CACNB2: variants seen among roughly 807,000 people sequenced by gnomAD.
The protein encoded by CACNB2 is calcium voltage-gated channel auxiliary subunit beta 2.
CACNB2 carries 42 observed loss-of-function variants against 73.3 expected under a neutral mutation model. That is an observed-to-expected ratio of 0.57 (90% CI 0.45 to 0.74). CACNB2 has a LOEUF of 0.74. Among genes scored for constraint, CACNB2 ranks in the 30% least tolerant of loss-of-function variants. The pLI is 0.00. For synonymous variants in CACNB2, 348 were observed against 310.3 expected, an observed-to-expected ratio of 1.12 and a Z score of -1.28; for missense variants, 940 against 853.0, an observed-to-expected ratio of 1.10 and a Z score of -1.27.
At chr10:18,161,762 A>G (rs1448551803) in intron 2 of CACNB2, among the ~76,000 whole-genome samples, 1 of 151,908 alleles carries the variant, frequency 6.6e-6, no homozygotes, top group Non-Finnish European at 1.5e-5. Flanking sequence ...TGTCTCTACT[A>G]AAAATATTTT....
At position 18,539,736 on chromosome 10, in the gene CACNB2, T is replaced by G; in HGVS notation, c.*12T>G. ...ACATCCGCCAATGAGTTTTGCCCGTTTGTGTTTTTTTTTTTTTTTTTTTGA... is the reference window on the plus strand; with the variant it reads ...ACATCCGCCAATGAGTTTTGCCCGTGTGTGTTTTTTTTTTTTTTTTTTTGA... On this transcript the variant is annotated 3_prime_UTR_variant, in exon 14 of 14. Transcript: ENST00000324631. The G allele has an allele frequency of 1.9e-6, 3 of 1,561,224 alleles. No individual in the cohort carries two copies. The highest frequency in any genetic ancestry group is 2.6e-6 in the Non-Finnish European group (3 of 1,167,194).
rs547783843 is a variant in CACNB2 at position 18,331,445 on chromosome 10, T to C, written c.214-70479T>C. Among the ~76,000 whole-genome samples, 316 of 146,068 alleles carry C rather than the reference T, an allele frequency of 2.2e-3. 2 individuals carry two copies. Among genetic ancestry groups the C allele is most frequent in the Admixed American group, 5.3e-3 (77 of 14,426 alleles). On this transcript the variant is annotated intron_variant, in intron 2 of 13. Coordinates refer to ENST00000324631, the MANE Select transcript of CACNB2 (RefSeq NM_201596.3). ...GTCTAGCCTGGAGAACATAGCTAGATGGCATCTCATTTAAAAAAAAAAAAA... is the reference window on the plus strand; with the variant it reads ...GTCTAGCCTGGAGAACATAGCTAGACGGCATCTCATTTAAAAAAAAAAAAA...
chr10:18,432,881 A>G (rs1178468504), intron 3 of CACNB2, among the ~76,000 whole-genome samples: 1 of 152,166 alleles, frequency 6.6e-6, no homozygotes, highest in Non-Finnish European at 1.5e-5. Flanking sequence ...TGTAGTAAAA[A>G]GAAATTCATT....
rs1554791255 is a variant in CACNB2, at chr10:18,315,526, A to AC, written c.214-86398_214-86397insC. ...AAAAAAAAAAAAAAAAAAAAAAAAA[A>AC]AACTTTTTTTTTTTTTAATTAGCCA... On this transcript the variant is annotated intron_variant, in intron 2 of 13. Transcript: ENST00000324631. 6.1e-4 allele frequency among the ~76,000 whole-genome samples: 74 copies of AC among 121,902 alleles called. 4 individuals carry two copies. Among genetic ancestry groups the AC allele is most frequent in the South Asian group, 1.3e-3 (5 of 3,964 alleles). The allele number at this position is 121,902 out of a possible 152,430, so 80.0% of individuals were successfully genotyped here.
At chr10:18,491,081 T>C (rs983001017) in intron 3 of CACNB2, among the ~76,000 whole-genome samples, 10 of 152,336 alleles carry the variant, frequency 6.6e-5, no homozygotes, top group Non-Finnish European at 1.2e-4. Context: ...AACACCAAGA[T>C]TTTTTGGCTT....
intron 9 of CACNB2, 64 bp from the exon 10 acceptor site, chr10:18,527,524 C>T: frequency 2.0e-6 from 2 of 1,001,598 alleles, no homozygotes; most frequent in South Asian, 1.3e-5. Flanking sequence ...TTGGGGCATA[C>T]ACTTCTATCC....
At chr10:18,399,530 G>A (rs904400375) in intron 2 of CACNB2, among the ~76,000 whole-genome samples, 3 of 151,968 alleles carry the variant, frequency 2.0e-5, no homozygotes, top group African/African-American at 7.3e-5. Flanking sequence ...GGGGAGGGAG[G>A]AAGGGTAGAA....
At position 18,140,844 on chromosome 10, in the gene CACNB2, A is replaced by C; in HGVS notation, c.108A>C (p.Gly36=). 2 of 1,601,944 alleles carry C rather than the reference A, an allele frequency of 1.2e-6. No individual in the cohort carries two copies. The highest frequency in any genetic ancestry group is 1.7e-6 in the Non-Finnish European group (2 of 1,176,116). ...LENVAPAGAL[G]AAAQSYGKGA... is the part of the protein sequence containing the mutation. ...ACGTGGCTCCCGCGGGGGCGCTCGG[A>C]GCCGCCGCACAGGTAGCGAGAGCGC... The change falls in exon 1 of 14, where the codon GGA becomes GGC. Residue 36 remains glycine, a synonymous_variant. Transcript: ENST00000324631.
intron 2 of CACNB2, among the ~76,000 whole-genome samples, chr10:18,389,112 A>G (rs2043354932): frequency 6.6e-6 from 1 of 152,158 alleles, no homozygotes; most frequent in Non-Finnish European, 1.5e-5. Flanking sequence ...TTTTGAGAAA[A>G]TGGAATCCAA....
chr10:18,400,549 C>T, intron 2 of CACNB2: 1 of 1,021,630 alleles, frequency 9.8e-7, no homozygotes. Flanking sequence ...GTGCGTCCTC[C>T]TCCCTCCGCC....
intron 2 of CACNB2, among the ~76,000 whole-genome samples, chr10:18,239,951 C>T (rs2036584805): frequency 6.6e-6 from 1 of 152,154 alleles, no homozygotes; most frequent in Non-Finnish European, 1.5e-5. Flanking sequence ...TTTGGATTCT[C>T]ATGTCTTCTC....
intron 10 of CACNB2, among the ~76,000 whole-genome samples, chr10:18,532,525 T>C (rs2053133832): frequency 6.6e-6 from 1 of 151,514 alleles, no homozygotes; most frequent in Non-Finnish European, 1.5e-5. Context: ...GTACAAAACA[T>C]TAGCTGGGCC....
chr10:18,422,280 C>T (rs998358113), intron 3 of CACNB2, among the ~76,000 whole-genome samples: 25 of 152,256 alleles, frequency 1.6e-4, no homozygotes, highest in African/African-American at 5.3e-4. Context: ...CCTGGATGAT[C>T]TATTCCATTT....
chr10:18,244,558 AT>A (rs1218105008), intron 2 of CACNB2, among the ~76,000 whole-genome samples: 11 of 152,150 alleles, frequency 7.2e-5, no homozygotes, highest in African/African-American at 2.4e-4. Context: ...GAGAGTTCTG[AT>A]TTCATCTGTT....
intron 3 of CACNB2, among the ~76,000 whole-genome samples, chr10:18,492,835 C>T (rs2049535422): frequency 6.6e-6 from 1 of 151,966 alleles, no homozygotes; most frequent in Non-Finnish European, 1.5e-5. Context: ...AGTGGAAGAC[C>T]ACCCAGGAAA....
Position 18,518,995 on chromosome 10 carries a change from G to A in CACNB2, c.944+27G>A, listed in dbSNP as rs564669940. 9 of 1,609,376 alleles carry A rather than the reference G, an allele frequency of 5.6e-6. No homozygotes were observed. The South Asian group carries it at 9.9e-5, about 18-fold the overall frequency. ...TGAGTATTTCAGCATACTGGGTTTT[G>A]TGGATTTTGTCTTAAAGATGGCAAA... On this transcript the variant is annotated intron_variant, in intron 9 of 13. Coordinates refer to ENST00000324631, the MANE Select transcript of CACNB2 (RefSeq NM_201596.3).
intron 3 of CACNB2, among the ~76,000 whole-genome samples, chr10:18,494,005 C>G (rs2049621549): frequency 6.6e-6 from 1 of 152,148 alleles, no homozygotes; most frequent in Admixed American, 6.6e-5. Flanking sequence ...AAAGCTAATT[C>G]CCATATAAAC....
intron 3 of CACNB2, among the ~76,000 whole-genome samples, chr10:18,441,362 G>A (rs984402515): frequency 3.9e-5 from 6 of 152,114 alleles, no homozygotes; most frequent in East Asian, 1.9e-4. Flanking sequence ...CTGATATCGC[G>A]TCACTGCACT....
intron 2 of CACNB2, among the ~76,000 whole-genome samples, chr10:18,353,191 C>G (rs568588772): frequency 1.6e-3 from 240 of 152,242 alleles, no homozygotes; most frequent in African/African-American, 5.4e-3. Flanking sequence ...GCAGGTGGAT[C>G]ACAAGGTCAG....
Sources: gnomAD v4.1 joint callset for allele counts (sites outside exome capture counted in the v4.1 genomes callset) on GRCh38, gnomAD v4.1.1 for gene constraint, MANE v1.5 for transcripts, NCBI Gene and HGNC (gene_info 2026-07-23, HGNC 2026-07-21) for gene names.